MARCHF1: variants seen among roughly 807,000 people sequenced by gnomAD.
The protein encoded by MARCHF1 is membrane associated ring-CH-type finger 1, also known as E3 ubiquitin-protein ligase MARCHF1.
A neutral mutation model predicts 54.2 loss-of-function variants in MARCHF1; 40 were observed. The observed-to-expected ratio is 0.74, with a 90% confidence interval of 0.57 to 0.96. The LOEUF is 0.96. MARCHF1 is among the 40% of genes least tolerant of loss of function. MARCHF1 has a pLI of 0.00. For missense variants in MARCHF1, 586 were observed against 656.5 expected (o/e 0.89, Z 1.17); for synonymous variants, 236 against 236.3 (o/e 1.00, Z 0.01).
intron 1 of MARCHF1, among the ~76,000 whole-genome samples, chr4:164,303,100 A>C (rs1734607041): frequency 6.6e-6 from 1 of 152,068 alleles, no homozygotes; most frequent in African/African-American, 2.4e-5. Flanking sequence ...TGGGGTCTGT[A>C]ATTTTATTTC....
intron 9 of MARCHF1, among the ~76,000 whole-genome samples, chr4:163,531,719 G>A (rs1243593039): frequency 1.3e-5 from 2 of 151,610 alleles, no homozygotes; most frequent in Middle Eastern, 3.2e-3. Context: ...TTAAATAGGT[G>A]ATTATGACAA....
intron 3 of MARCHF1, among the ~76,000 whole-genome samples, chr4:163,970,803 T>C (rs142713922): frequency 6.6e-6 from 1 of 152,352 alleles, no homozygotes; most frequent in East Asian, 1.9e-4. Flanking sequence ...TGATTTTATG[T>C]AAAATCTTTA....
chr4:164,018,652 A>C (rs1264312016), intron 2 of MARCHF1, among the ~76,000 whole-genome samples: 1 of 152,260 alleles, frequency 6.6e-6, no homozygotes, highest in East Asian at 1.9e-4. Context: ...TTAGTAAAAC[A>C]TATTTTAAAA....
chr4:163,692,399 C>T (rs4691931), intron 5 of MARCHF1, among the ~76,000 whole-genome samples: 46,510 of 152,036 alleles, frequency 0.31, 8,933 homozygotes, highest in Non-Finnish European at 0.44. Context: ...GTAACAGAGA[C>T]AAGGAAACCA....
At chr4:163,803,240 C>T (rs1409613450) in intron 4 of MARCHF1, among the ~76,000 whole-genome samples, 1 of 152,158 alleles carries the variant, frequency 6.6e-6, no homozygotes, top group Non-Finnish European at 1.5e-5. Flanking sequence ...ATGGCCTGAT[C>T]TCAGCTCACT....
intron 4 of MARCHF1, among the ~76,000 whole-genome samples, chr4:163,805,303 C>T (rs1748195315): frequency 6.6e-6 from 1 of 151,438 alleles, no homozygotes; most frequent in Non-Finnish European, 1.5e-5. Flanking sequence ...ATTGTGCATG[C>T]TTTTATGTTT....
chr4:163,846,802 A>G (rs1030854486), intron 4 of MARCHF1, among the ~76,000 whole-genome samples: 14 of 152,080 alleles, frequency 9.2e-5, no homozygotes, highest in Non-Finnish European at 1.9e-4. Context: ...ATTGTGCTTA[A>G]TAGAGCTTTA....
chr4:164,281,630 G>A (rs2321376), intron 1 of MARCHF1, among the ~76,000 whole-genome samples: 96,755 of 151,938 alleles, frequency 0.64, 32,274 homozygotes, highest in Non-Finnish European at 0.76. Flanking sequence ...GAGTGGCTTC[G>A]TAGGGCTGCA....
At chr4:164,124,408 C>T (rs1292508513) in intron 1 of MARCHF1, among the ~76,000 whole-genome samples, 2 of 152,072 alleles carry the variant, frequency 1.3e-5, no homozygotes, top group African/African-American at 4.8e-5. Context: ...GCTATAGGAT[C>T]CAGCAATCCC....
intron 7 of MARCHF1, among the ~76,000 whole-genome samples, chr4:163,611,314 A>G (rs1741331579): frequency 6.6e-6 from 1 of 152,188 alleles, no homozygotes; most frequent in East Asian, 1.9e-4. Flanking sequence ...TCACATGTAG[A>G]GTTTAATTCT....
At chr4:164,271,399 AAAAG>A in intron 1 of MARCHF1, among the ~76,000 whole-genome samples, 1 of 152,304 alleles carries the variant, frequency 6.6e-6, no homozygotes, top group Non-Finnish European at 1.5e-5. Context: ...GCCAGCTTTA[AAAAG>A]AGAGAGGAGA....
chr4:163,560,051 T>A (rs920014889), intron 8 of MARCHF1, among the ~76,000 whole-genome samples: 18 of 152,256 alleles, frequency 1.2e-4, no homozygotes, highest in African/African-American at 4.3e-4. Flanking sequence ...TAAAAGTAAC[T>A]TTTGAAAAGC....
chr4:164,043,914 G>C (rs1288920890), intron 2 of MARCHF1, among the ~76,000 whole-genome samples: 1 of 152,142 alleles, frequency 6.6e-6, no homozygotes, highest in East Asian at 1.9e-4. Flanking sequence ...CAGATTTCTA[G>C]GGCAGGTGCC....
chr4:164,365,475 GAAAAACCAAGC>G lies in MARCHF1; in HGVS notation c.-323+18384_-323+18394del, dbSNP rs533914618. 3.3e-3 allele frequency among the ~76,000 whole-genome samples: 506 copies of G among 151,886 alleles called. 4 individuals are homozygous for G. The highest frequency in any genetic ancestry group is 0.012 in the African/African-American group (486 of 41,466). ...TAAACATAACTGTAGATTGTGTTAA[GAAAAACCAAGC>G]TTCTACTTCATCTCTGAAAAACAAA... On this transcript the variant is annotated intron_variant, in intron 1 of 9. Transcript: ENST00000514618.
Position 164,351,888 on chromosome 4 carries a change from A to G in MARCHF1, c.-323+31982T>C, listed in dbSNP as rs1411908184. Among the ~76,000 whole-genome samples, 2 of 151,668 alleles carry G rather than the reference A, an allele frequency of 1.3e-5. 1 individual carries two copies. Among genetic ancestry groups the G allele is most frequent in the South Asian group, 4.2e-4 (2 of 4,784 alleles). On this transcript the variant is annotated intron_variant, in intron 1 of 9. Coordinates refer to ENST00000514618, the MANE Select transcript of MARCHF1 (RefSeq NM_001394959.1). ...AAAAAATTTAGAAGAATGTATAACT[A>G]GAAGAACCAATACAGACAAGTGCTT... is the stretch of plus-strand genomic sequence containing the variant.
intron 2 of MARCHF1, among the ~76,000 whole-genome samples, chr4:164,059,102 GAAC>G (rs1388306504): frequency 2.6e-5 from 4 of 152,224 alleles, no homozygotes; most frequent in Admixed American, 6.5e-5. Flanking sequence ...TGTACTGAAA[GAAC>G]AACAACAGAT....
chr4:164,066,582 G>A (rs575873546), intron 2 of MARCHF1, among the ~76,000 whole-genome samples: 1 of 152,240 alleles, frequency 6.6e-6, no homozygotes, highest in Admixed American at 6.5e-5. Context: ...GTTCATTGAA[G>A]CACTATTCAC....
chr4:164,024,051 G>A (rs1753719789), intron 2 of MARCHF1, among the ~76,000 whole-genome samples: 1 of 152,078 alleles, frequency 6.6e-6, no homozygotes, highest in East Asian at 1.9e-4. Flanking sequence ...AAGAATTTTT[G>A]GAAATGAACA....
chr4:164,300,061 C>A (rs899360563), intron 1 of MARCHF1, among the ~76,000 whole-genome samples: 1 of 151,978 alleles, frequency 6.6e-6, no homozygotes, highest in African/African-American at 2.4e-5. Flanking sequence ...TAACAGTAAC[C>A]AAAGTCAAAA....
Sources: allele counts gnomAD v4.1 joint callset (sites outside exome capture counted in the v4.1 genomes callset), GRCh38; gene constraint gnomAD v4.1.1; transcripts MANE v1.5; gene names NCBI Gene and HGNC (gene_info 2026-07-23, HGNC 2026-07-21).